UCHL5: variants seen among roughly 807,000 people sequenced by gnomAD.
UCHL5 encodes ubiquitin C-terminal hydrolase L5.
In UCHL5, 34 loss-of-function variants were observed where a neutral mutation model predicts 53.8. The observed-to-expected ratio is 0.63, with a 90% confidence interval of 0.48 to 0.84. UCHL5 has a LOEUF of 0.84. UCHL5 is among the 40% of genes least tolerant of loss of function. UCHL5 has a pLI of 0.00. For missense variants in UCHL5, 290 were observed against 385.6 expected, an observed-to-expected ratio of 0.75 and a Z score of 2.08; for synonymous variants, 111 against 126.3, an observed-to-expected ratio of 0.88 and a Z score of 0.81.
upstream of UCHL5, chr1:193,059,598 AG>A (rs1387230717): frequency 6.9e-7 from 1 of 1,452,672 alleles, no homozygotes; most frequent in Non-Finnish European, 9.3e-7. The surrounding 1 kb of genome is among the most constrained non-coding windows in gnomAD (Gnocchi z 4.9). Context: ...GCGGGGCAAA[AG>A]AAGAGGGGCA....
In UCHL5 at chr1:193,029,622, C is replaced by A. The variant is rs148706595; in HGVS notation, c.282G>T (p.Val94=). ...INNACATQAI[V]SVLLNCTHQD... ...GGTGGGTACAGTTCAGTAACACACT[C>A]ACTATGGCTTGAGTAGCACAAGCAT... The change falls in exon 4 of 11, where the codon GTG becomes GTT. Residue 94 remains valine (V), a synonymous_variant. Coordinates refer to ENST00000367454, the MANE Select transcript of UCHL5 (RefSeq NM_001199261.3). 40 of 1,612,338 alleles carry A rather than the reference C, an allele frequency of 2.5e-5. No individual in the cohort carries two copies. The African/African-American group carries it at 4.0e-4, about 16-fold the overall frequency.
chr1:193,016,657 T>G (rs1654993370), intron 10 of UCHL5, among the ~76,000 whole-genome samples: 2 of 151,874 alleles, frequency 1.3e-5, no homozygotes, highest in African/African-American at 4.8e-5. Flanking sequence ...TTATTATAAT[T>G]GTAATAATTT....
At position 193,012,378 on chromosome 1, in the gene UCHL5, CCATAT is replaced by C. The variant is rs1353915777; in HGVS notation, c.*3968_*3972del. ...AATAGAGCAGTAGTCCTAGGCATTT[CCATAT>C]ATCTTTTATTCAACCCATTTTCATA... On this transcript the variant is annotated 3_prime_UTR_variant, in exon 11 of 11. Coordinates refer to ENST00000367454, the MANE Select transcript of UCHL5 (RefSeq NM_001199261.3). The C allele has an allele frequency of 1.3e-5, 2 of 152,118 alleles. No individual in the cohort carries two copies. Among genetic ancestry groups the C allele is most frequent in the Admixed American group, 6.6e-5 (1 of 15,258 alleles). 9.4% of individuals were successfully genotyped at this position (152,118 alleles called of 1,614,324 possible).
chr1:193,023,145 A>C, intron 8 of UCHL5, 109 bp from the exon 9 acceptor site: 3 of 816,496 alleles, frequency 3.7e-6, no homozygotes, highest in Non-Finnish European at 5.9e-6. Context: ...TTTACTCTTC[A>C]TATTGATAGC....
upstream of UCHL5, chr1:193,059,691 G>C (rs756996124): frequency 7.3e-7 from 1 of 1,360,688 alleles, no homozygotes; most frequent in Non-Finnish European, 9.8e-7. This position sits in a 1 kb window ranked among gnomAD's most constrained non-coding sequence, Gnocchi z 4.9. Context: ...CTGCCCGTCA[G>C]GCTGCCTTCT....
chr1:193,059,865 G>A (rs372910098), upstream of UCHL5: 197 of 1,363,838 alleles, frequency 1.4e-4, no homozygotes, highest in Non-Finnish European at 1.8e-4. This position sits in a 1 kb window ranked among gnomAD's most constrained non-coding sequence, Gnocchi z 4.9. Context: ...TCTCTCACCC[G>A]CATCCCAGGG....
At chr1:193,034,703 T>C (rs766996612) in intron 3 of UCHL5, among the ~76,000 whole-genome samples, 14 of 152,026 alleles carry the variant, frequency 9.2e-5, no homozygotes, top group Non-Finnish European at 2.1e-4. Context: ...AACAAAATAC[T>C]ACTATATTTA....
chr1:193,060,071 G>C (rs991347672), upstream of UCHL5: 27 of 1,305,314 alleles, frequency 2.1e-5, no homozygotes, highest in Non-Finnish European at 2.5e-5. Flanking sequence ...GGCCGACGTC[G>C]AGAGGGCCTG....
At chr1:193,059,734 C>A, upstream of UCHL5, 1 of 1,352,350 alleles carries the variant, frequency 7.4e-7, no homozygotes. The surrounding 1 kb of genome is among the most constrained non-coding windows in gnomAD (Gnocchi z 4.9). Context: ...CAGGACTTCT[C>A]CTGGCGGCGC....
rs998917788 is a variant in UCHL5, at chr1:193,014,455, T to C, written c.*1896A>G. On this transcript the variant is annotated 3_prime_UTR_variant, in exon 11 of 11. Transcript: ENST00000367454. The stretch of plus-strand genomic sequence containing the variant: ...CTTTTGTTAACACTTTCAATGACAA[T>C]TCTGATGAGCTCTAATTTTGGATCT... 2 of 152,152 alleles carry C rather than the reference T, an allele frequency of 1.3e-5. No homozygotes were observed. The highest frequency in any genetic ancestry group is 4.8e-5 in the African/African-American group (2 of 41,450). 9.4% of individuals were successfully genotyped at this position (152,152 alleles called of 1,614,324 possible).
chr1:193,059,540 C>A (rs1342111908), upstream of UCHL5: 2 of 1,550,676 alleles, frequency 1.3e-6, no homozygotes, highest in East Asian at 5.0e-5. This position sits in a 1 kb window ranked among gnomAD's most constrained non-coding sequence, Gnocchi z 4.9. Flanking sequence ...CGGTGATTCA[C>A]AGCGCCGAGG....
At chr1:193,023,762 A>T (rs1209329977) in intron 8 of UCHL5, 82 bp downstream of exon 8, 3 of 1,072,478 alleles carry the variant, frequency 2.8e-6, no homozygotes, top group Non-Finnish European at 4.1e-6. Flanking sequence ...AGACCACTTG[A>T]TTATATATAT....
intron 3 of UCHL5, among the ~76,000 whole-genome samples, chr1:193,030,730 ATTT>A (rs1661066524): frequency 6.6e-6 from 1 of 152,154 alleles, no homozygotes; most frequent in Non-Finnish European, 1.5e-5. Flanking sequence ...TAAATTATCT[ATTT>A]TTATCCTGCC....
At chr1:193,037,782 A>G (rs912367912) in intron 3 of UCHL5, among the ~76,000 whole-genome samples, 3 of 152,134 alleles carry the variant, frequency 2.0e-5, no homozygotes, top group Non-Finnish European at 4.4e-5. Flanking sequence ...ATACCACATT[A>G]AAAAGATTAT....
chr1:193,040,299 G>A (rs1339807073), intron 3 of UCHL5, among the ~76,000 whole-genome samples: 1 of 151,944 alleles, frequency 6.6e-6, no homozygotes, highest in Non-Finnish European at 1.5e-5. Flanking sequence ...CAACTCAACA[G>A]GAGAAGATAA....
chr1:193,055,208 A>C (rs1190103201), intron 1 of UCHL5, among the ~76,000 whole-genome samples: 2 of 152,184 alleles, frequency 1.3e-5, no homozygotes, highest in African/African-American at 4.8e-5. Context: ...TTCATATAGT[A>C]AACAGACTTG....
chr1:193,030,556 T>C lies in UCHL5; in HGVS notation c.247-899A>G, dbSNP rs537137886. Among the ~76,000 whole-genome samples, 31 of 152,318 alleles carry C rather than the reference T, an allele frequency of 2.0e-4. No homozygotes were observed. The South Asian group carries it at 6.0e-3, about 30-fold the overall frequency. On this transcript the variant is annotated intron_variant, in intron 3 of 10. Coordinates refer to ENST00000367454, the MANE Select transcript of UCHL5 (RefSeq NM_001199261.3). ...CTAAGCACCTATGGTATTGAGATCA[T>C]GAAGCTGGAAAGAACCTTAGATGAT...
chr1:193,026,624 G>A (rs184161332), intron 7 of UCHL5, among the ~76,000 whole-genome samples: 4 of 151,732 alleles, frequency 2.6e-5, no homozygotes, highest in East Asian at 1.9e-4. Flanking sequence ...AGAGGAACTA[G>A]ACCGTTCATA....
At chr1:193,026,264 A>G (rs553624006) in intron 7 of UCHL5, among the ~76,000 whole-genome samples, 8 of 152,202 alleles carry the variant, frequency 5.3e-5, no homozygotes, top group Admixed American at 3.9e-4. Context: ...ACTGAAAACA[A>G]AAACACAATT....
Sources: gnomAD v4.1 joint callset for allele counts (sites outside exome capture counted in the v4.1 genomes callset) on GRCh38, gnomAD v4.1.1 for gene constraint, Gnocchi (gnomAD v3.1) non-coding constraint, MANE v1.5 for transcripts, NCBI Gene and HGNC (gene_info 2026-07-23, HGNC 2026-07-21) for gene names.